The following BICDL1 variants were observed in gnomAD, a reference collection of about 807,000 sequenced individuals.
BICDL1 encodes BICD family like cargo adaptor 1.
In BICDL1, 20 loss-of-function variants were observed where a neutral mutation model predicts 76.8. That is an observed-to-expected ratio of 0.26 (90% CI 0.18 to 0.38). The LOEUF is 0.38. BICDL1 is among the 10% of genes least tolerant of loss of function. The probability of loss-of-function intolerance (pLI) is 1.00; values close to 1 mark genes in which losing one functional copy is unlikely to be tolerated. For missense variants in BICDL1, 700 were observed against 798.6 expected, an observed-to-expected ratio of 0.88 and a Z score of 1.49; for synonymous variants, 383 against 337.1, an observed-to-expected ratio of 1.14 and a Z score of -1.49.
At chr12:120,047,348 A>G (rs1391131593) in intron 2 of BICDL1, among the ~76,000 whole-genome samples, 2 of 152,202 alleles carry the variant, frequency 1.3e-5, no homozygotes, top group African/African-American at 4.8e-5. Context: ...GGGTAATGAA[A>G]TGGAAAGAAA....
chr12:120,047,153 T>C (rs1206024501), intron 2 of BICDL1, among the ~76,000 whole-genome samples: 2 of 152,156 alleles, frequency 1.3e-5, no homozygotes, highest in Non-Finnish European at 2.9e-5. Context: ...ATGTATACCT[T>C]CTAAATGGCA....
At chr12:120,083,099 G>A (rs1467614755) in intron 8 of BICDL1, among the ~76,000 whole-genome samples, 1 of 151,988 alleles carries the variant, frequency 6.6e-6, no homozygotes, top group Non-Finnish European at 1.5e-5. Context: ...CTGGCCTCAA[G>A]TGATCTGCCC....
chr12:120,091,699 G>C, intron 9 of BICDL1: 1 of 985,266 alleles, frequency 1.0e-6, no homozygotes, highest in Non-Finnish European at 1.2e-6. Context: ...GCGCGTGAGG[G>C]GTCCACACTC....
chr12:119,998,488 A>G (rs1289217503), intron 1 of BICDL1, 33 bp from the exon 2 acceptor site: 5 of 1,534,630 alleles, frequency 3.3e-6, no homozygotes, highest in South Asian at 1.3e-5. Flanking sequence ...TGGAATTTTT[A>G]TCAGTGTTTA....
At chr12:120,022,219 G>A (rs1205995401) in intron 2 of BICDL1, among the ~76,000 whole-genome samples, 2 of 149,832 alleles carry the variant, frequency 1.3e-5, no homozygotes, top group African/African-American at 2.4e-5. Flanking sequence ...GGAAAACTAG[G>A]TCTATTCAGC....
intron 2 of BICDL1, among the ~76,000 whole-genome samples, chr12:120,038,408 C>T (rs892727487): frequency 1.3e-5 from 2 of 152,048 alleles, no homozygotes; most frequent in African/African-American, 4.8e-5. Flanking sequence ...TATGACCAAA[C>T]ATCAATGTGT....
intron 2 of BICDL1, among the ~76,000 whole-genome samples, chr12:120,049,419 T>G (rs1472949906): frequency 6.6e-6 from 1 of 152,236 alleles, no homozygotes; most frequent in African/African-American, 2.4e-5. Flanking sequence ...TATATGTGTC[T>G]TTTTATTTTA....
chr12:120,022,125 T>C (rs1952197352), intron 2 of BICDL1, among the ~76,000 whole-genome samples: 1 of 151,208 alleles, frequency 6.6e-6, no homozygotes, highest in Non-Finnish European at 1.5e-5. Flanking sequence ...ACAGAAAGTT[T>C]GTCAGCCTCT....
intron 4 of BICDL1, among the ~76,000 whole-genome samples, chr12:120,069,473 C>T (rs565413538): frequency 6.6e-6 from 1 of 152,284 alleles, no homozygotes; most frequent in African/African-American, 2.4e-5. Context: ...CTGGAAAGAA[C>T]CCTGGACTGG....
chr12:120,028,145 A>G lies in BICDL1; in HGVS notation c.645+29409A>G, dbSNP rs377285364. On this transcript the variant is annotated intron_variant, in intron 2 of 9. Coordinates refer to ENST00000548673, the MANE Select transcript of BICDL1 (RefSeq NM_001367886.1). ...CTGATCATCAGGGTCATGACTATCA[A>G]TTTAATCAAGGATCTAGAATTGGAA... Among the ~76,000 whole-genome samples the G allele has an allele frequency of 5.3e-5, 8 of 152,200 alleles. No homozygotes were observed. In the East Asian group the frequency reaches 1.3e-3, roughly 26 times the overall value.
intron 2 of BICDL1, among the ~76,000 whole-genome samples, chr12:120,055,410 C>A (rs1952952656): frequency 6.6e-6 from 1 of 152,068 alleles, no homozygotes; most frequent in South Asian, 2.1e-4. Flanking sequence ...TTAATCATGT[C>A]CACAAGCAAA....
At chr12:120,007,367 C>T (rs1390297585) in intron 2 of BICDL1, among the ~76,000 whole-genome samples, 1 of 152,166 alleles carries the variant, frequency 6.6e-6, no homozygotes, top group Admixed American at 6.5e-5. Flanking sequence ...GGACCTGAGA[C>T]TCTGTTCTAG....
At chr12:119,994,785 G>T (rs1454754036) in intron 1 of BICDL1, among the ~76,000 whole-genome samples, 2 of 152,198 alleles carry the variant, frequency 1.3e-5, no homozygotes, top group African/African-American at 4.8e-5. Context: ...ACTGCGCCCA[G>T]CCATAGACTC....
At chr12:120,047,820 C>A (rs907803709) in intron 2 of BICDL1, among the ~76,000 whole-genome samples, 2 of 152,120 alleles carry the variant, frequency 1.3e-5, no homozygotes, top group African/African-American at 4.8e-5. Context: ...CTTCTCAAGT[C>A]ACCTGCCAGT....
chr12:120,013,439 A>AGTGTGTGTGTGTGT lies in BICDL1; in HGVS notation c.645+14734_645+14747dup, dbSNP rs35499277. Reference sequence around the variant, plus strand: ...TTGCAGGGACTATGTCTTTAACCAGAGTGTGTGTGTGTGTGTGTGTGTGTG... The same window carrying AGTGTGTGTGTGTGT: ...TTGCAGGGACTATGTCTTTAACCAGAGTGTGTGTGTGTGTGTGTGTGTGTGTGTGTGTGTGTGTG... On this transcript the variant is annotated intron_variant, in intron 2 of 9. Transcript: ENST00000548673. 5.2e-3 allele frequency among the ~76,000 whole-genome samples: 696 copies of AGTGTGTGTGTGTGT among 134,874 alleles called. 12 individuals carry two copies. The highest frequency in any genetic ancestry group is 0.02 in the East Asian group (86 of 4,372). 88.5% of individuals were successfully genotyped at this position (134,874 alleles called of 152,430 possible). A position where few individuals can be genotyped will look rare whatever the true frequency, so the allele number is the denominator to read the frequency against.
chr12:120,038,926 G>T (rs1952577829), intron 2 of BICDL1, among the ~76,000 whole-genome samples: 1 of 152,110 alleles, frequency 6.6e-6, no homozygotes, highest in African/African-American at 2.4e-5. Flanking sequence ...AATTCCACTT[G>T]CATCTAGAGA....
In BICDL1 at chr12:120,089,058, T is replaced by C. The variant is rs549519524; in HGVS notation, c.1584-893T>C. 2.6e-5 allele frequency among the ~76,000 whole-genome samples: 4 copies of C among 152,356 alleles called. No individual in the cohort carries two copies. The East Asian group carries it at 7.7e-4, about 29-fold the overall frequency. ...CTAAGCTATAGTGATCACCACTGTG[T>C]GGCTATCTTCGCACACCTCTGTATC... On this transcript the variant is annotated intron_variant, in intron 8 of 9. Coordinates refer to ENST00000548673, the MANE Select transcript of BICDL1 (RefSeq NM_001367886.1).
intron 5 of BICDL1, 118 bp from the exon 6 acceptor site, chr12:120,072,393 C>A: frequency 5.6e-6 from 5 of 886,570 alleles, no homozygotes; most frequent in South Asian, 4.9e-5. Flanking sequence ...AACAAAAAAC[C>A]CTTTCTTCTA....
intron 9 of BICDL1, chr12:120,090,995 G>A (rs771372441): frequency 2.9e-5 from 37 of 1,288,758 alleles, no homozygotes; most frequent in Non-Finnish European, 3.5e-5. Flanking sequence ...AACAGCTTTA[G>A]TTGTACACCC....
Sources: allele counts gnomAD v4.1 joint callset (sites outside exome capture counted in the v4.1 genomes callset), GRCh38; gene constraint gnomAD v4.1.1; transcripts MANE v1.5; gene names NCBI Gene and HGNC (gene_info 2026-07-23, HGNC 2026-07-21).